Variants in SHD observed in about 807,000 individuals in gnomAD.
The protein encoded by SHD is SH2 domain-containing adapter protein D.
SHD carries 29 observed loss-of-function variants against 31.2 expected under a neutral mutation model. The ratio of observed to expected loss-of-function variants is 0.93; its 90% CI spans 0.69 to 1.27. SHD has a LOEUF of 1.27. Among genes scored for constraint, SHD ranks in the 50% most tolerant of loss-of-function variants. The pLI, the probability that SHD is intolerant of heterozygous loss-of-function variation, is 0.00. For missense variants in SHD, 520 were observed against 453.8 expected, an observed-to-expected ratio of 1.15 and a Z score of -1.33; for synonymous variants, 208 against 187.8, an observed-to-expected ratio of 1.11 and a Z score of -0.88.
intron 3 of SHD, 145 bp from the exon 4 acceptor site, chr19:4,284,636 C>A (rs1971289671): frequency 4.0e-6 from 4 of 1,000,084 alleles, no homozygotes; most frequent in Non-Finnish European, 5.5e-6. Context: ...GCCAATCCTG[C>A]CCCTGCCTTA....
At chr19:4,285,912 A>C (rs1479780846) in intron 4 of SHD, among the ~76,000 whole-genome samples, 3 of 20,322 alleles carry the variant, frequency 1.5e-4, no homozygotes, top group East Asian at 2.0e-3. Flanking sequence ...TTTTTTTTTG[A>C]CAGAGCCTCG....
rs200099205 is a variant in SHD at position 4,288,270 on chromosome 19, G to A, written c.744G>A (p.Ala248=). The A allele has an allele frequency of 6.9e-5, 112 of 1,613,776 alleles. 1 individual carries two copies. In the African/African-American group the frequency reaches 9.5e-4, roughly 14 times the overall value. ...GGTTTCATGGCCCCCTGAACAGGGC[G>A]GATGCAGAGAGCCTCCTGTCCCTCT... ...QPWFHGPLNR[A]DAESLLSLCK... is the part of the protein sequence containing the mutation. Residue 248 remains alanine (A), a synonymous_variant, in exon 5 of 6, where the codon GCG becomes GCA. Transcript: ENST00000543264.
chr19:4,288,271 G>A lies in SHD; in HGVS notation c.745G>A (p.Asp249Asn). Residue 249 changes from aspartate to asparagine, a missense_variant, in exon 5 of 6, where the codon GAT becomes AAT. Physicochemically the swap from Asp to Asn is conservative, Grantham distance 23. Coordinates refer to ENST00000543264, the MANE Select transcript of SHD (RefSeq NM_020209.4). ...PWFHGPLNRADAESLLSLCKE... is the reference protein window; with the variant it reads ...PWFHGPLNRANAESLLSLCKE... ...GTTTCATGGCCCCCTGAACAGGGCGGATGCAGAGAGCCTCCTGTCCCTCTG... is the reference window on the plus strand; with the variant it reads ...GTTTCATGGCCCCCTGAACAGGGCGAATGCAGAGAGCCTCCTGTCCCTCTG... The A allele has an allele frequency of 3.1e-6, 5 of 1,613,796 alleles. No individual in the cohort carries two copies. The highest frequency in any genetic ancestry group is 4.2e-6 in the Non-Finnish European group (5 of 1,179,870).
At chr19:4,287,955 A>G (rs1291179180) in intron 4 of SHD, among the ~76,000 whole-genome samples, 1 of 150,670 alleles carries the variant, frequency 6.6e-6, no homozygotes, top group Non-Finnish European at 1.5e-5. Flanking sequence ...CCCAGGCTGG[A>G]GTGCAGTGGT....
rs1053931016 is a variant in SHD at position 4,283,825 on chromosome 19, G to T, written c.592+583G>T. Among the ~76,000 whole-genome samples the T allele has an allele frequency of 2.0e-5, 3 of 150,832 alleles. No individual in the cohort carries two copies. The South Asian group carries it at 6.3e-4, about 32-fold the overall frequency. ...GATCTTCTGACCTCGTGATCCACCC[G>T]CCTCGGCCTCCCAAAGTGCTGGGAT... On this transcript the variant is annotated intron_variant, in intron 3 of 5. Transcript: ENST00000543264.
intron 1 of SHD, among the ~76,000 whole-genome samples, chr19:4,281,448 CAAAAAAAAAA>C (rs56171246): frequency 1.2e-4 from 6 of 49,672 alleles, no homozygotes; most frequent in Non-Finnish European, 1.7e-4. Context: ...CACCCTGTCT[CAAAAAAAAAA>C]AAAAAAAAAA....
chr19:4,283,095 G>A lies in SHD; in HGVS notation c.445G>A (p.Glu149Lys), dbSNP rs1971273594. The change falls in exon 3 of 6, where the codon GAG (glutamate) becomes AAG (lysine). Residue 149 changes from glutamate (E) to lysine (K), a missense_variant. Transcript: ENST00000543264. ...GGTGCAGCTCTATGACACCCCTTAT[G>A]AGGAACAGGACCCAGAGACAGCAGA... ...RGVQLYDTPYEEQDPETADGP... is the reference protein window; with the variant it reads ...RGVQLYDTPYKEQDPETADGP... The A allele has an allele frequency of 6.2e-7, 1 of 1,614,012 alleles. No homozygotes were observed. The highest frequency in any genetic ancestry group is 1.3e-5 in the African/African-American group (1 of 74,924).
At position 4,285,612 on chromosome 19, in the gene SHD, C is replaced by T. The variant is rs1017315766; in HGVS notation, c.716+708C>T. Reference sequence around the variant, plus strand: ...TCGCCCAGGCTGGAGTGCAGTGACGCGACCTCGGCTCACTGCAACCTCCAT... The same window carrying T: ...TCGCCCAGGCTGGAGTGCAGTGACGTGACCTCGGCTCACTGCAACCTCCAT... On this transcript the variant is annotated intron_variant, in intron 4 of 5. Transcript: ENST00000543264. Among the ~76,000 whole-genome samples the T allele has an allele frequency of 4.0e-5, 6 of 151,886 alleles. No individual in the cohort carries two copies. The South Asian group carries it at 6.3e-4, about 16-fold the overall frequency.
chr19:4,279,811 C>A lies in SHD; in HGVS notation c.-253C>A. On this transcript the variant is annotated 5_prime_UTR_variant, in exon 1 of 6. Coordinates refer to ENST00000543264, the MANE Select transcript of SHD (RefSeq NM_020209.4). The surrounding 1 kb of genome is among the most constrained non-coding windows in gnomAD (Gnocchi z 7.5). ...CCCTGCGAGGTCCCCCCTTCCCCCG[C>A]GGTGCTTCCCAAGCTGGGCTAAGGC... 1.9e-6 allele frequency: 1 copy of A among 520,420 alleles called. No individual in the cohort carries two copies. The allele number at this position is 520,420 out of a possible 1,614,324, so 32.2% of individuals were successfully genotyped here.
rs899301433 is a variant in SHD at position 4,279,324 on chromosome 19, C to G, written c.-740C>G. On this transcript the variant is annotated 5_prime_UTR_variant, in exon 1 of 6. Coordinates refer to ENST00000543264, the MANE Select transcript of SHD (RefSeq NM_020209.4). This position sits in a 1 kb window ranked among gnomAD's most constrained non-coding sequence, Gnocchi z 7.5. ...GAACAGGGGCGTCCTCCTGCGCGCC[C>G]CCCTCCCCAGCGTCCCACCTCCCGG... 24 of 152,398 alleles carry G rather than the reference C, an allele frequency of 1.6e-4. No individual in the cohort carries two copies. The highest frequency in any genetic ancestry group is 5.5e-4 in the African/African-American group (23 of 41,546). 9.4% of individuals were successfully genotyped at this position (152,398 alleles called of 1,614,324 possible).
intron 1 of SHD, among the ~76,000 whole-genome samples, chr19:4,281,441 C>T (rs62129293): frequency 0.031 from 3,144 of 102,446 alleles, 68 homozygotes; most frequent in Non-Finnish European, 0.041. Flanking sequence ...AGAGCAACAC[C>T]CTGTCTCAAA....
At position 4,282,861 on chromosome 19, in the gene SHD, T is replaced by C. The variant is rs150365721; in HGVS notation, c.298-9T>C. On this transcript the variant is annotated splice_polypyrimidine_tract_variant and intron_variant, in intron 1 of 5. Transcript: ENST00000543264. ...AGTCCTTGTCTTCTCCCCTTCCTTC[T>C]CTCCGCAGCTGGAAGCCGACACTGA... The C allele has an allele frequency of 5.3e-5, 85 of 1,613,658 alleles. No individual in the cohort carries two copies. The East Asian group carries it at 1.9e-3, about 35-fold the overall frequency.
At position 4,280,254 on chromosome 19, in the gene SHD, A is replaced by G. The variant is rs1971243726; in HGVS notation, c.191A>G (p.Lys64Arg). ...EPDPAGPGDS[K>R]NPGDAKYGSP... ...GACCCCGCGGGCCCTGGGGACTCCA[A>G]GAACCCCGGAGATGCCAAGTATGGT... Residue 64 changes from lysine (K) to arginine (R), a missense_variant, in exon 1 of 6, where the codon AAG (lysine) becomes AGG (arginine). Transcript: ENST00000543264. 1 of 1,613,656 alleles carries G rather than the reference A, an allele frequency of 6.2e-7. No individual in the cohort carries two copies. Among genetic ancestry groups the G allele is most frequent in the Non-Finnish European group, 8.5e-7 (1 of 1,179,922 alleles).
intron 4 of SHD, among the ~76,000 whole-genome samples, chr19:4,286,310 TCC>T (rs1568369501): frequency 1.4e-5 from 2 of 141,480 alleles, no homozygotes; most frequent in South Asian, 2.2e-4. Context: ...CTTCCTTCCT[TCC>T]TTCCTACCTT....
intron 4 of SHD, among the ~76,000 whole-genome samples, chr19:4,286,726 C>A (rs1035654689): frequency 6.6e-6 from 1 of 150,982 alleles, no homozygotes; most frequent in Non-Finnish European, 1.5e-5. Flanking sequence ...GGTGAAACTC[C>A]ATCATTAGCC....
At chr19:4,285,398 TC>T (rs1249102456) in intron 4 of SHD, among the ~76,000 whole-genome samples, 1 of 152,106 alleles carries the variant, frequency 6.6e-6, no homozygotes, top group African/African-American at 2.4e-5. Flanking sequence ...TCTGTGTCCT[TC>T]CAGCCTGGGC....
chr19:4,286,293 TTCC>T lies in SHD; in HGVS notation c.716+1391_716+1393del, dbSNP rs1384194301. ...TTTCTTTCTTTCTTTTTTTCTTTCCTTCCTTCCTTCCTTCCTTCCTTCCTACCT... is the reference window on the plus strand; with the variant it reads ...TTTCTTTCTTTCTTTTTTTCTTTCCTTTCCTTCCTTCCTTCCTTCCTACCT... On this transcript the variant is annotated intron_variant, in intron 4 of 5. Transcript: ENST00000543264. 8.2e-4 allele frequency among the ~76,000 whole-genome samples: 98 copies of T among 119,084 alleles called. 1 individual carries two copies. The highest frequency in any genetic ancestry group is 4.8e-3 in the African/African-American group (94 of 19,776). 78.1% of individuals were successfully genotyped at this position (119,084 alleles called of 152,430 possible).
intron 1 of SHD, among the ~76,000 whole-genome samples, chr19:4,281,714 C>T (rs534625487): frequency 5.9e-5 from 9 of 152,148 alleles, no homozygotes; most frequent in South Asian, 2.1e-4. Context: ...GCCAACATCG[C>T]GCCACTGCAC....
chr19:4,280,833 T>C (rs1300012263), intron 1 of SHD, among the ~76,000 whole-genome samples: 1 of 152,142 alleles, frequency 6.6e-6, no homozygotes, highest in South Asian at 2.1e-4. Context: ...GGTGGATATC[T>C]GTCCCTTTTC....
Sources: gnomAD v4.1 joint callset for allele counts (sites outside exome capture counted in the v4.1 genomes callset) on GRCh38, gnomAD v4.1.1 for gene constraint, Gnocchi (gnomAD v3.1) non-coding constraint, MANE v1.5 for transcripts, NCBI Gene and HGNC (gene_info 2026-07-23, HGNC 2026-07-21) for gene names.